FIP1L1: variants seen among roughly 807,000 people sequenced by gnomAD.
FIP1L1 encodes the protein factor interacting with PAPOLA and CPSF1.
In FIP1L1, 21 loss-of-function variants were observed where a neutral mutation model predicts 84.6. The ratio of observed to expected loss-of-function variants is 0.25; its 90% confidence interval spans 0.18 to 0.36. The LOEUF (loss-of-function observed/expected upper bound fraction) is 0.36. FIP1L1 is among the 10% of genes least tolerant of loss of function. FIP1L1 has a pLI of 1.00. For missense variants in FIP1L1, 526 were observed against 751.1 expected, an observed-to-expected ratio of 0.70 and a Z score of 3.50; for synonymous variants, 263 against 242.3, an observed-to-expected ratio of 1.09 and a Z score of -0.80.
At chr4:53,391,826 TTATC>T (rs1744400427) in intron 9 of FIP1L1, among the ~76,000 whole-genome samples, 1 of 152,240 alleles carries the variant, frequency 6.6e-6, no homozygotes. Context: ...ACTCTAATCT[TTATC>T]AACAGAATTG....
At chr4:53,416,291 A>G (rs1235797678) in intron 11 of FIP1L1, among the ~76,000 whole-genome samples, 1 of 152,246 alleles carries the variant, frequency 6.6e-6, no homozygotes, top group African/African-American at 2.4e-5. Context: ...TAAATTTATC[A>G]TGCTATTGGT....
At chr4:53,405,054 T>G (rs1752492439) in intron 10 of FIP1L1, among the ~76,000 whole-genome samples, 1 of 152,316 alleles carries the variant, frequency 6.6e-6, no homozygotes, top group South Asian at 2.1e-4. Flanking sequence ...TGCCATTGCT[T>G]TTGGTGTTTT....
chr4:53,417,803 TCTCTCTC>T (rs1760475248), intron 11 of FIP1L1, among the ~76,000 whole-genome samples: 4 of 106,860 alleles, frequency 3.7e-5, no homozygotes, highest in Non-Finnish European at 6.3e-5. Context: ...TCTCTCTCTC[TCTCTCTC>T]TCTCTCTCTC....
chr4:53,390,745 C>A, intron 7 of FIP1L1, 117 bp downstream of exon 7: 1 of 684,388 alleles, frequency 1.5e-6, no homozygotes. Context: ...TTGTCTTAAG[C>A]AAATGATGAG....
At chr4:53,457,039 G>A (rs1719485669) in intron 16 of FIP1L1, among the ~76,000 whole-genome samples, 1 of 152,078 alleles carries the variant, frequency 6.6e-6, no homozygotes, top group African/African-American at 2.4e-5. Context: ...TTGAAGACAT[G>A]ATACTAAAAA....
intron 5 of FIP1L1, among the ~76,000 whole-genome samples, chr4:53,384,259 A>G (rs1000652899): frequency 6.6e-6 from 1 of 152,012 alleles, no homozygotes; most frequent in African/African-American, 2.4e-5. Context: ...AAATACAATA[A>G]TTAGCCAGGC....
At chr4:53,403,136 G>A (rs1404057836) in intron 10 of FIP1L1, among the ~76,000 whole-genome samples, 1 of 152,176 alleles carries the variant, frequency 6.6e-6, no homozygotes, top group Non-Finnish European at 1.5e-5. Flanking sequence ...TAGCTGGGCA[G>A]CTGGAGTGAA....
intron 11 of FIP1L1, among the ~76,000 whole-genome samples, chr4:53,420,197 CAAAAAAAAAAAAA>C (rs1166566869): frequency 3.4e-4 from 6 of 17,552 alleles, no homozygotes; most frequent in Admixed American, 1.2e-3. Flanking sequence ...GACTCCGTCT[CAAAAAAAAAAAAA>C]AAAAAAAAAA....
chr4:53,381,011 C>A, intron 3 of FIP1L1, among the ~76,000 whole-genome samples: 1 of 152,050 alleles, frequency 6.6e-6, no homozygotes, highest in East Asian at 1.9e-4. Context: ...TGGAGGGAAC[C>A]TTCTACCTTC....
At position 53,407,458 on chromosome 4, in the gene FIP1L1, G is replaced by T. The variant is rs12642175; in HGVS notation, c.816-7157G>T. ...TGTGGTCAGTTTTGGAATAGGTGTG[G>T]TGTGGTGCTGAAAAAAATGTATATT... On this transcript the variant is annotated intron_variant, in intron 10 of 17. Coordinates refer to ENST00000337488, the MANE Select transcript of FIP1L1 (RefSeq NM_030917.4). 1.2e-3 allele frequency among the ~76,000 whole-genome samples: 176 copies of T among 152,184 alleles called. 7 individuals carry two copies. The East Asian group carries it at 0.032, about 27-fold the overall frequency.
At chr4:53,455,002 T>G (rs1560589952) in intron 16 of FIP1L1, among the ~76,000 whole-genome samples, 1 of 152,232 alleles carries the variant, frequency 6.6e-6, no homozygotes, top group African/African-American at 2.4e-5. Context: ...TTTTATGTTA[T>G]ATAGATAGTG....
intron 10 of FIP1L1, among the ~76,000 whole-genome samples, chr4:53,403,784 G>A (rs1468920481): frequency 6.6e-6 from 1 of 152,148 alleles, no homozygotes. Context: ...AATGCCGGCT[G>A]CAGGCATTGC....
intron 10 of FIP1L1, among the ~76,000 whole-genome samples, chr4:53,405,615 C>G (rs879692475): frequency 1.0e-4 from 15 of 145,626 alleles, no homozygotes; most frequent in Admixed American, 6.1e-4. Context: ...GCCATTTTCA[C>G]GATATTGATT....
At chr4:53,428,790 T>C (rs1272467230) in intron 13 of FIP1L1, among the ~76,000 whole-genome samples, 1 of 152,242 alleles carries the variant, frequency 6.6e-6, no homozygotes, top group Non-Finnish European at 1.5e-5. Flanking sequence ...TTCATCGGGT[T>C]GCCTTTCTTA....
intron 5 of FIP1L1, among the ~76,000 whole-genome samples, chr4:53,387,382 C>G (rs1334066397): frequency 1.3e-5 from 2 of 152,196 alleles, no homozygotes; most frequent in Non-Finnish European, 2.9e-5. Flanking sequence ...TTAAAGATTT[C>G]TAGAGCAGTT....
rs750708777 is a variant in FIP1L1 at position 53,425,978 on chromosome 4, A to G, written c.1017+13A>G. 4 of 1,570,754 alleles carry G rather than the reference A, an allele frequency of 2.5e-6. No homozygotes were observed. The South Asian group carries it at 4.6e-5, about 18-fold the overall frequency. Reference sequence around the variant, plus strand: ...CAGCAACATACAGGTTTAGTATTTTAAAATAAATAATTTTCTTTAACTGAA... The same window carrying G: ...CAGCAACATACAGGTTTAGTATTTTGAAATAAATAATTTTCTTTAACTGAA... On this transcript the variant is annotated intron_variant, in intron 12 of 17. Transcript: ENST00000337488.
intron 10 of FIP1L1, among the ~76,000 whole-genome samples, chr4:53,407,124 C>T (rs1328447705): frequency 6.6e-6 from 1 of 152,000 alleles, no homozygotes; most frequent in Non-Finnish European, 1.5e-5. Flanking sequence ...TTAGATCTTT[C>T]CTTCTTTCTC....
chr4:53,456,681 A>G (rs1719211228), intron 16 of FIP1L1, among the ~76,000 whole-genome samples: 1 of 152,108 alleles, frequency 6.6e-6, no homozygotes, highest in African/African-American at 2.4e-5. Flanking sequence ...TCATTCTAGG[A>G]TGTTTGAAAT....
chr4:53,414,538 G>GAA (rs10719406), intron 10 of FIP1L1, 77 bp from the exon 11 acceptor site: 1,141 of 734,110 alleles, frequency 1.6e-3, no homozygotes, highest in South Asian at 3.6e-3. Context: ...AGCATGTCAA[G>GAA]AAAAAAAAAA....
Sources: allele counts gnomAD v4.1 joint callset (sites outside exome capture counted in the v4.1 genomes callset), GRCh38; gene constraint gnomAD v4.1.1; transcripts MANE v1.5; gene names NCBI Gene and HGNC (gene_info 2026-07-23, HGNC 2026-07-21).